The following PARD3 variants were observed in gnomAD, a reference collection of about 807,000 sequenced individuals.
PARD3 encodes partitioning defective 3 homolog.
A neutral mutation model predicts 155.4 loss-of-function variants in PARD3; 75 were observed. That is an observed-to-expected ratio of 0.48 (90% CI 0.40 to 0.58). The LOEUF (loss-of-function observed/expected upper bound fraction) is 0.58. Among genes scored for constraint, PARD3 ranks in the 20% least tolerant of loss-of-function variants. The pLI, the probability that PARD3 is intolerant of heterozygous loss-of-function variation, is 0.00. For missense variants in PARD3, 1,642 were observed against 1,721.7 expected, an observed-to-expected ratio of 0.95 and a Z score of 0.82; for synonymous variants, 576 against 610.5, an observed-to-expected ratio of 0.94 and a Z score of 0.83.
intron 22 of PARD3, among the ~76,000 whole-genome samples, chr10:34,194,715 G>A (rs746651840): frequency 6.7e-6 from 1 of 148,986 alleles, no homozygotes; most frequent in South Asian, 2.1e-4. Flanking sequence ...GATGAAATGT[G>A]TAAGTTATTA....
chr10:34,179,191 CACACACACAT>C lies in PARD3; in HGVS notation c.3420-47618_3420-47609del, dbSNP rs1185262814. 6.1e-3 allele frequency among the ~76,000 whole-genome samples: 895 copies of C among 146,890 alleles called. 7 individuals carry two copies. Among genetic ancestry groups the C allele is most frequent in the African/African-American group, 0.021 (845 of 39,888 alleles). On this transcript the variant is annotated intron_variant, in intron 22 of 24. Transcript: ENST00000374788. ...GCGCACACACACACACACACACACA[CACACACACAT>C]ATAAAATTTAGAGACTGTATTTTTA...
chr10:34,670,943 C>A (rs2093599942), intron 2 of PARD3, among the ~76,000 whole-genome samples: 1 of 152,216 alleles, frequency 6.6e-6, no homozygotes, highest in Admixed American at 6.5e-5. Flanking sequence ...CAACTGATTA[C>A]TTCAGCAACA....
At chr10:34,179,835 A>C (rs1950192932) in intron 22 of PARD3, among the ~76,000 whole-genome samples, 1 of 152,222 alleles carries the variant, frequency 6.6e-6, no homozygotes, top group African/African-American at 2.4e-5. Context: ...CATGTCCTTT[A>C]GGAAAAAGCA....
chr10:34,211,610 C>T (rs1951755486), intron 22 of PARD3, among the ~76,000 whole-genome samples: 1 of 151,960 alleles, frequency 6.6e-6, no homozygotes, highest in East Asian at 1.9e-4. Flanking sequence ...GGTGAAACCT[C>T]GTCTTCTAAA....
At chr10:34,708,208 ATGAGTTTTTCTT>A (rs1470530581) in intron 1 of PARD3, among the ~76,000 whole-genome samples, 2 of 151,536 alleles carry the variant, frequency 1.3e-5, no homozygotes, top group Non-Finnish European at 2.9e-5. Flanking sequence ...AATCCAGAAT[ATGAGTTTTTCTT>A]TGTTTTTTGT....
rs191735765 is a variant in PARD3 at position 34,577,954 on chromosome 10, C to T, written c.223-60795G>A. Among the ~76,000 whole-genome samples, 884 of 151,912 alleles carry T rather than the reference C, an allele frequency of 5.8e-3. 7 individuals carry two copies. Among genetic ancestry groups the T allele is most frequent in the Non-Finnish European group, 7.0e-3 (473 of 67,972 alleles). ...GCAGCTTCAAACTCCTGGGCTCATG[C>T]GATCCTCCTGCCTCGGCCTCCTGAG... On this transcript the variant is annotated intron_variant, in intron 2 of 24. Transcript: ENST00000374788.
intron 2 of PARD3, among the ~76,000 whole-genome samples, chr10:34,541,455 T>C (rs773361780): frequency 2.0e-5 from 3 of 152,234 alleles, no homozygotes; most frequent in Admixed American, 2.0e-4. Context: ...GAATCTTCTG[T>C]ATATGAATTC....
chr10:34,663,727 G>A (rs1428671610), intron 2 of PARD3: 2 of 151,992 alleles, frequency 1.3e-5, no homozygotes, highest in African/African-American at 4.8e-5. Context: ...ACATTTTAAA[G>A]AAGCTGTGTC....
intron 4 of PARD3, among the ~76,000 whole-genome samples, chr10:34,457,060 T>G (rs2077376849): frequency 1.3e-5 from 2 of 152,168 alleles, no homozygotes; most frequent in Non-Finnish European, 2.9e-5. Flanking sequence ...ACTGACAAAA[T>G]CAGAAGCATG....
intron 5 of PARD3, among the ~76,000 whole-genome samples, chr10:34,444,767 A>G (rs956241893): frequency 6.6e-6 from 1 of 152,192 alleles, no homozygotes; most frequent in African/African-American, 2.4e-5. Flanking sequence ...GACCAATACC[A>G]CCCAAAGAAT....
At chr10:34,362,548 G>A (rs925760545) in intron 12 of PARD3, among the ~76,000 whole-genome samples, 1 of 152,136 alleles carries the variant, frequency 6.6e-6, no homozygotes, top group Non-Finnish European at 1.5e-5. Context: ...AAGGTGGAAT[G>A]CGGTGGTACA....
chr10:34,669,023 A>T (rs939966484), intron 2 of PARD3, among the ~76,000 whole-genome samples: 2 of 152,242 alleles, frequency 1.3e-5, no homozygotes, highest in Non-Finnish European at 2.9e-5. Flanking sequence ...AATGTAAATT[A>T]GTACAAACTC....
At chr10:34,318,032 T>A (rs1407283252) in intron 19 of PARD3, among the ~76,000 whole-genome samples, 1 of 152,198 alleles carries the variant, frequency 6.6e-6, no homozygotes, top group Non-Finnish European at 1.5e-5. Flanking sequence ...GAGGGAGCCA[T>A]GAAAATGAGT....
chr10:34,202,922 GC>G (rs1564478647), intron 22 of PARD3, among the ~76,000 whole-genome samples: 3 of 152,022 alleles, frequency 2.0e-5, no homozygotes, highest in Non-Finnish European at 4.4e-5. Context: ...GCTGTACTGA[GC>G]TGGCTGTGAT....
At chr10:34,485,515 T>A (rs979736486) in intron 3 of PARD3, among the ~76,000 whole-genome samples, 1 of 152,034 alleles carries the variant, frequency 6.6e-6, no homozygotes, top group African/African-American at 2.4e-5. Flanking sequence ...CTGGTTTAGT[T>A]TGGAAAGGTA....
chr10:34,811,258 T>C (rs1053240477), intron 1 of PARD3, among the ~76,000 whole-genome samples: 2 of 152,196 alleles, frequency 1.3e-5, no homozygotes, highest in Non-Finnish European at 2.9e-5. Flanking sequence ...CTCAGGGTCT[T>C]GCCCTGGCAT....
At chr10:34,135,520 G>C (rs1947847475) in intron 22 of PARD3, among the ~76,000 whole-genome samples, 1 of 152,156 alleles carries the variant, frequency 6.6e-6, no homozygotes, top group Admixed American at 6.5e-5. Flanking sequence ...TGATGTCAGA[G>C]GCAGACCATG....
At chr10:34,630,253 G>A (rs1417283418) in intron 2 of PARD3, among the ~76,000 whole-genome samples, 3 of 152,172 alleles carry the variant, frequency 2.0e-5, no homozygotes, top group South Asian at 4.1e-4. Context: ...CTGCATCCAC[G>A]ACCAGGCCTT....
At chr10:34,780,902 T>G (rs1440963409) in intron 1 of PARD3, among the ~76,000 whole-genome samples, 1 of 152,112 alleles carries the variant, frequency 6.6e-6, no homozygotes, top group African/African-American at 2.4e-5. Flanking sequence ...CAGCTGAAAC[T>G]CAACGTGAAA....
Sources: gnomAD v4.1 joint callset for allele counts (sites outside exome capture counted in the v4.1 genomes callset) on GRCh38, gnomAD v4.1.1 for gene constraint, MANE v1.5 for transcripts, NCBI Gene and HGNC (gene_info 2026-07-23, HGNC 2026-07-21) for gene names.